Variants in TSHZ1 observed in about 807,000 individuals in gnomAD.
TSHZ1 encodes the protein teashirt zinc finger homeobox 1.
In TSHZ1, 12 loss-of-function variants were observed where a neutral mutation model predicts 67.1. The observed-to-expected ratio is 0.18, with a 90% CI of 0.11 to 0.29. The LOEUF (loss-of-function observed/expected upper bound fraction) is 0.29, where lower values mean the gene tolerates loss of function less well. Ranked by LOEUF, TSHZ1 falls within the 10% of genes least tolerant of loss-of-function variation. The probability of loss-of-function intolerance (pLI) is 1.00; values close to 1 mark genes in which losing one functional copy is unlikely to be tolerated. For synonymous variants in TSHZ1, 632 were observed against 622.4 expected, an observed-to-expected ratio of 1.02 and a Z score of -0.23; for missense variants, 1,305 against 1,413.9, an observed-to-expected ratio of 0.92 and a Z score of 1.23.
intron 1 of TSHZ1, among the ~76,000 whole-genome samples, chr18:75,269,899 C>T (rs2023537310): frequency 6.6e-6 from 1 of 152,194 alleles, no homozygotes; most frequent in African/African-American, 2.4e-5. Flanking sequence ...CAGATTCCGA[C>T]AGGGCTTTGT....
intron 1 of TSHZ1, among the ~76,000 whole-genome samples, chr18:75,271,314 G>A (rs1002029767): frequency 2.0e-5 from 3 of 152,162 alleles, no homozygotes; most frequent in Non-Finnish European, 2.9e-5. Flanking sequence ...CCTCTCCTTC[G>A]GATAGATCAA....
intron 1 of TSHZ1, among the ~76,000 whole-genome samples, chr18:75,276,314 AG>A (rs1308906745): frequency 1.3e-5 from 2 of 150,726 alleles, no homozygotes; most frequent in Non-Finnish European, 2.9e-5. Flanking sequence ...CTATCATGTC[AG>A]AGCAAAAGTA....
At chr18:75,214,232 G>A (rs370832152) in intron 1 of TSHZ1, among the ~76,000 whole-genome samples, 19 of 152,264 alleles carry the variant, frequency 1.2e-4, no homozygotes, top group South Asian at 6.2e-4. Flanking sequence ...ATTAACACAC[G>A]TTGGTTCACA....
At chr18:75,221,565 C>T (rs954991787) in intron 1 of TSHZ1, among the ~76,000 whole-genome samples, 4 of 152,182 alleles carry the variant, frequency 2.6e-5, no homozygotes, top group Non-Finnish European at 5.9e-5. Flanking sequence ...ATCCCTGGTG[C>T]CTGTGTCATT....
intron 1 of TSHZ1, among the ~76,000 whole-genome samples, chr18:75,250,262 C>T (rs903811773): frequency 1.9e-4 from 29 of 152,148 alleles, no homozygotes; most frequent in African/African-American, 6.3e-4. Context: ...AGGCTCTTCC[C>T]TGTCCCCAGT....
At chr18:75,267,191 T>C (rs1222006753) in intron 1 of TSHZ1, among the ~76,000 whole-genome samples, 2 of 152,232 alleles carry the variant, frequency 1.3e-5, no homozygotes. Flanking sequence ...AACCTCATTT[T>C]ACATTGCAGC....
At chr18:75,253,942 AT>A (rs1319018233) in intron 1 of TSHZ1, among the ~76,000 whole-genome samples, 9 of 152,184 alleles carry the variant, frequency 5.9e-5, no homozygotes, top group Non-Finnish European at 1.0e-4. Flanking sequence ...ATAAAATCAT[AT>A]GGGTTTGTAT....
In TSHZ1 at chr18:75,281,173, G is replaced by A. The variant is rs2023679938; in HGVS notation, c.41-4275G>A. On this transcript the variant is annotated intron_variant, in intron 1 of 1. Transcript: ENST00000580243. The surrounding 1 kb of genome is among the most constrained non-coding windows in gnomAD (Gnocchi z 5.3). ...TGTCACGGACCAGGAGTGGAGCGAG[G>A]TCATCTGGGGACGTTGGAAGGCTCT... Among the ~76,000 whole-genome samples, 2 of 152,218 alleles carry A rather than the reference G, an allele frequency of 1.3e-5. No homozygotes were observed. Among genetic ancestry groups the A allele is most frequent in the South Asian group, 4.1e-4 (2 of 4,832 alleles).
chr18:75,280,211 G>A (rs765005193), intron 1 of TSHZ1, among the ~76,000 whole-genome samples: 8 of 152,202 alleles, frequency 5.3e-5, no homozygotes, highest in African/African-American at 9.7e-5. Context: ...GATTTAGACC[G>A]TGGCAAGTTT....
At position 75,285,559 on chromosome 18, in the gene TSHZ1, C is replaced by T. The variant is rs777629342; in HGVS notation, c.152C>T (p.Thr51Met). 8 of 1,589,388 alleles carry T rather than the reference C, an allele frequency of 5.0e-6. No individual in the cohort carries two copies. The highest frequency in any genetic ancestry group is 2.7e-5 in the African/African-American group (2 of 74,338). The change falls in exon 2 of 2, where the codon ACG becomes ATG. Residue 51 changes from threonine (T) to methionine (M), a missense_variant. Transcript: ENST00000580243. ...QESEYMCNEE[T>M]EIKEAQSYQN... ...AGTGAGTACATGTGCAATGAAGAGA[C>T]GGAGATCAAAGAGGCGCAGAGCTAC... is the stretch of plus-strand genomic sequence containing the variant.
chr18:75,245,471 G>T (rs937447401), intron 1 of TSHZ1: 2 of 152,154 alleles, frequency 1.3e-5, no homozygotes, highest in African/African-American at 4.8e-5. Flanking sequence ...CGATGCTGCT[G>T]TGCGTGTCCC....
chr18:75,250,498 G>A (rs1599040276), intron 1 of TSHZ1, among the ~76,000 whole-genome samples: 2 of 152,220 alleles, frequency 1.3e-5, no homozygotes, highest in Admixed American at 6.5e-5. Context: ...CCGCGTGGAC[G>A]TGGACGGGGC....
Position 75,287,315 on chromosome 18 carries a change from G to A in TSHZ1, c.1908G>A (p.Val636=), listed in dbSNP as rs766712736. 6.2e-7 allele frequency: 1 copy of A among 1,614,172 alleles called. No homozygotes were observed. Among genetic ancestry groups the A allele is most frequent in the East Asian group, 2.2e-5 (1 of 44,868 alleles). The change falls in exon 2 of 2, where the codon GTG becomes GTA. Residue 636 remains valine (V), a synonymous_variant. Transcript: ENST00000580243. This position sits in a 1 kb window ranked among gnomAD's most constrained non-coding sequence, Gnocchi z 5.0. ...SLTPPPHKSN[V]SAMEELVEKV... Reference sequence around the variant, plus strand: ...CGCCCCCACCGCACAAGAGCAACGTGTCTGCCATGGAGGAGCTGGTGGAGA... The same window carrying A: ...CGCCCCCACCGCACAAGAGCAACGTATCTGCCATGGAGGAGCTGGTGGAGA...
chr18:75,289,156 A>T lies in TSHZ1; in HGVS notation c.*515A>T, dbSNP rs2023828342. 6.0e-6 allele frequency: 1 copy of T among 167,162 alleles called. No homozygotes were observed. The highest frequency in any genetic ancestry group is 2.1e-4 in the South Asian group (1 of 4,826). The allele number at this position is 167,162 out of a possible 1,614,324, so 10.4% of individuals were successfully genotyped here. A position where few individuals can be genotyped will look rare whatever the true frequency, so the allele number is the denominator to read the frequency against. ...CAGACACAAAACTTATTTAATAATT[A>T]AAAAATGAGCTTTTATATGCAGAAC... On this transcript the variant is annotated 3_prime_UTR_variant, in exon 2 of 2. Transcript: ENST00000580243.
rs1236397261 is a variant in TSHZ1, at chr18:75,211,798, C to G, written c.-79C>G. 2.4e-5 allele frequency: 23 copies of G among 973,348 alleles called. No homozygotes were observed. The highest frequency in any genetic ancestry group is 2.5e-5 in the Non-Finnish European group (20 of 812,362). 60.3% of individuals were successfully genotyped at this position (973,348 alleles called of 1,614,324 possible). On this transcript the variant is annotated 5_prime_UTR_variant, in exon 1 of 2. Transcript: ENST00000580243. ...AAGTTGGGCGCGCCGCGGAGTTGCGCCCGCGCCCGGGGCCCCGCGTCCCCG... is the reference window on the plus strand; with the variant it reads ...AAGTTGGGCGCGCCGCGGAGTTGCGGCCGCGCCCGGGGCCCCGCGTCCCCG...
chr18:75,223,336 A>G (rs2022874373), intron 1 of TSHZ1, among the ~76,000 whole-genome samples: 2 of 152,144 alleles, frequency 1.3e-5, no homozygotes. Context: ...AGTTTCACAC[A>G]TGTTCAGTTT....
chr18:75,263,002 G>A (rs1422052968), intron 1 of TSHZ1, among the ~76,000 whole-genome samples: 2 of 152,184 alleles, frequency 1.3e-5, no homozygotes, highest in African/African-American at 4.8e-5. Context: ...TTTCCCAGCA[G>A]TGTCGTATGA....
intron 1 of TSHZ1, among the ~76,000 whole-genome samples, chr18:75,249,975 TG>T (rs1032106240): frequency 2.2e-5 from 3 of 136,630 alleles, no homozygotes; most frequent in Non-Finnish European, 4.7e-5. Flanking sequence ...CTCCAGTTGG[TG>T]GGGGGCGCAT....
chr18:75,245,574 G>A (rs1035952986), intron 1 of TSHZ1, among the ~76,000 whole-genome samples: 2 of 152,164 alleles, frequency 1.3e-5, no homozygotes, highest in African/African-American at 4.8e-5. Context: ...TGCAATCACC[G>A]CAAGAATGGA....
Sources: allele counts gnomAD v4.1 joint callset (sites outside exome capture counted in the v4.1 genomes callset), GRCh38; gene constraint gnomAD v4.1.1; non-coding constraint Gnocchi (gnomAD v3.1); transcripts MANE v1.5; gene names NCBI Gene and HGNC (gene_info 2026-07-23, HGNC 2026-07-21).